Variants in HTT observed in about 807,000 individuals in gnomAD.
The protein encoded by HTT is huntington disease protein.
Under a neutral mutation model 362.3 loss-of-function variants are expected in HTT, and 104 were observed. The observed-to-expected ratio is 0.29, with a 90% CI of 0.24 to 0.34. The LOEUF (loss-of-function observed/expected upper bound fraction) is 0.34, where lower values mean the gene tolerates loss of function less well. Among genes scored for constraint, HTT ranks in the 10% least tolerant of loss-of-function variants. The pLI is 1.00. For synonymous variants in HTT, 1,577 were observed against 1,548.7 expected (o/e 1.02, Z -0.43); for missense variants, 3,301 against 3,928.6 (o/e 0.84, Z 4.27).
At chr4:3,145,587 AG>A (rs1716560188) in intron 24 of HTT, among the ~76,000 whole-genome samples, 1 of 152,220 alleles carries the variant, frequency 6.6e-6, no homozygotes, top group African/African-American at 2.4e-5. Flanking sequence ...ATTGTGACCT[AG>A]CATACGAAAT....
At chr4:3,086,548 GTGGTCCGCGCCACTCAGGAGGC>G (rs1449142554) in intron 1 of HTT, among the ~76,000 whole-genome samples, 4 of 152,208 alleles carry the variant, frequency 2.6e-5, no homozygotes, top group African/African-American at 9.7e-5. Context: ...GTGCGTGCCT[GTGGTCCGCGCCACTCAGGAGGC>G]TGAGACGGGA....
intron 2 of HTT, among the ~76,000 whole-genome samples, chr4:3,089,709 T>C (rs1713401228): frequency 6.6e-6 from 1 of 152,268 alleles, no homozygotes; most frequent in South Asian, 2.1e-4. Flanking sequence ...TGCGTCAGGC[T>C]TTATTCTTGT....
chr4:3,126,923 C>T (rs895195853), intron 11 of HTT, among the ~76,000 whole-genome samples: 1 of 152,168 alleles, frequency 6.6e-6, no homozygotes, highest in Non-Finnish European at 1.5e-5. Flanking sequence ...AGCTTTGCGC[C>T]CCTGACTAGG....
intron 1 of HTT, among the ~76,000 whole-genome samples, chr4:3,075,967 C>T (rs916256010): frequency 6.6e-6 from 1 of 152,048 alleles, no homozygotes; most frequent in Non-Finnish European, 1.5e-5. Flanking sequence ...AAAACCAACA[C>T]GTTGCTGATG....
At chr4:3,126,155 C>T (rs939460129) in intron 11 of HTT, among the ~76,000 whole-genome samples, 16 of 152,160 alleles carry the variant, frequency 1.1e-4, no homozygotes, top group South Asian at 2.1e-4. Flanking sequence ...TGGGTTCCAG[C>T]GATTCTCCTG....
At chr4:3,129,555 G>T (rs1223547764) in intron 12 of HTT, 1 of 202,204 alleles carries the variant, frequency 4.9e-6, no homozygotes, top group Non-Finnish European at 1.0e-5. Flanking sequence ...GAGATAACCT[G>T]TTATATTGTT....
rs1425434749 is a variant in HTT, at chr4:3,243,077, AG to A, written c.*3019del. On this transcript the variant is annotated 3_prime_UTR_variant, in exon 67 of 67. Transcript: ENST00000355072. ...ATCTTCATGGAGGGGGTCATTTCAG[AG>A]CCCTCGGAGCCAATGAACAGCTCCT... 1 of 152,546 alleles carries A rather than the reference AG, an allele frequency of 6.6e-6. No homozygotes were observed. The highest frequency in any genetic ancestry group is 2.4e-5 in the African/African-American group (1 of 41,420). The allele number at this position is 152,546 out of a possible 1,614,324, so 9.4% of individuals were successfully genotyped here.
rs371005730 is a variant in HTT at position 3,223,347 on chromosome 4, A to G, written c.7471-59A>G. On this transcript the variant is annotated intron_variant, in intron 54 of 66. Coordinates refer to ENST00000355072, the MANE Select transcript of HTT (RefSeq NM_001388492.1). ...AGGCAGGGAAGACTCTGGGTTCTGC[A>G]GGCAGAGGTGGTTGTGGGTGTCTTG... 2.0e-4 allele frequency: 300 copies of G among 1,483,726 alleles called. No homozygotes were observed. The African/African-American group carries it at 3.8e-3, about 19-fold the overall frequency. The allele number at this position is 1,483,726 out of a possible 1,614,324, so 91.9% of individuals were successfully genotyped here. A position where few individuals can be genotyped will look rare whatever the true frequency, so the allele number is the denominator to read the frequency against.
At chr4:3,139,313 T>A (rs1055498113) in intron 21 of HTT, among the ~76,000 whole-genome samples, 10 of 152,222 alleles carry the variant, frequency 6.6e-5, no homozygotes, top group Non-Finnish European at 1.2e-4. Flanking sequence ...TTTTCCTGCC[T>A]CAGCCTCCCA....
Position 3,233,258 on chromosome 4 carries a change from C to T in HTT, c.8361C>T (p.Leu2787=). ...PSRVGALHGV[L]YVLECDLLDD... is the part of the protein sequence containing the mutation. ...GGGTTGGAGCCCTGCACGGCGTCCTCTATGTGCTGGAGTGCGACCTGCTGG... is the reference window on the plus strand; with the variant it reads ...GGGTTGGAGCCCTGCACGGCGTCCTTTATGTGCTGGAGTGCGACCTGCTGG... Residue 2787 remains leucine (L), a synonymous_variant, in exon 61 of 67, where the codon CTC becomes CTT. Transcript: ENST00000355072. The T allele has an allele frequency of 1.2e-6, 2 of 1,611,744 alleles. No homozygotes were observed. Among genetic ancestry groups the T allele is most frequent in the South Asian group, 1.1e-5 (1 of 91,054 alleles).
chr4:3,217,831 T>C lies in HTT; in HGVS notation c.7121T>C (p.Leu2374Ser), dbSNP rs1250097984. 6.2e-7 allele frequency: 1 copy of C among 1,614,228 alleles called. No individual in the cohort carries two copies. Among genetic ancestry groups the C allele is most frequent in the Non-Finnish European group, 8.5e-7 (1 of 1,180,026 alleles). ...AEMVESLQSV[L>S]ALGHKRNSGV... ...ATGGTGGAGTCTCTGCAGTCGGTGT[T>C]GGCCTTGGGTCATAAAAGGAATAGC... Residue 2374 changes from leucine to serine, a missense_variant, in exon 52 of 67, where the codon TTG becomes TCG. By Grantham distance (145) the Leu-to-Ser change is moderately radical (BLOSUM62 -2). Around this residue, in one of 4 missense-constraint regions of HTT, gnomAD observed 753 missense variants for 1,021.3 expected, o/e 0.74. Transcript: ENST00000355072.
chr4:3,190,145 A>C (rs953204761), intron 40 of HTT, among the ~76,000 whole-genome samples: 1 of 152,102 alleles, frequency 6.6e-6, no homozygotes, highest in African/African-American at 2.4e-5. Flanking sequence ...GGAGCTTGGG[A>C]CCAGCCTGAG....
chr4:3,229,800 A>G, intron 59 of HTT, 87 bp from the exon 60 acceptor site: 1 of 1,393,848 alleles, frequency 7.2e-7, no homozygotes, highest in East Asian at 2.3e-5. Context: ...TAAGAACACG[A>G]CTTGCCAGTA....
Position 3,187,812 on chromosome 4 carries a change from G to A in HTT, c.5151G>A (p.Gly1717=). ...SCTVINRLRD[G]DSTSTLEEHS... is the part of the protein sequence containing the mutation. ...CAGTAATTAATAGGTTAAGAGATGG[G>A]GACAGTACTTCAACGCTAGAAGAAC... The change falls in exon 39 of 67, where the codon GGG becomes GGA. Residue 1717 remains glycine (G), a synonymous_variant. Transcript: ENST00000355072. The A allele has an allele frequency of 6.2e-7, 1 of 1,613,432 alleles. No individual in the cohort carries two copies. The highest frequency in any genetic ancestry group is 8.5e-7 in the Non-Finnish European group (1 of 1,179,424).
chr4:3,199,113 C>G (rs573359945), intron 40 of HTT, among the ~76,000 whole-genome samples: 2 of 152,378 alleles, frequency 1.3e-5, no homozygotes, highest in African/African-American at 2.4e-5. Flanking sequence ...TGTTCCCTGA[C>G]TCCTTCTCCA....
intron 38 of HTT, 50 bp from the exon 39 acceptor site, chr4:3,187,596 AAATTT>A: frequency 2.0e-5 from 27 of 1,333,514 alleles, no homozygotes; most frequent in Non-Finnish European, 2.9e-5. Flanking sequence ...CAATTGGGGG[AAATTT>A]AATCTTCCTT....
intron 37 of HTT, among the ~76,000 whole-genome samples, chr4:3,184,195 A>G (rs557586362): frequency 1.9e-4 from 29 of 152,084 alleles, no homozygotes; most frequent in African/African-American, 6.5e-4. Context: ...CAGAAAGGAA[A>G]GATACAAGCC....
At position 3,206,385 on chromosome 4, in the gene HTT, A is replaced by T; in HGVS notation, c.5719-111A>T. 1.3e-6 allele frequency: 1 copy of T among 777,304 alleles called. No individual in the cohort carries two copies. The highest frequency in any genetic ancestry group is 2.1e-6 in the Non-Finnish European group (1 of 465,762). 48.2% of individuals were successfully genotyped at this position (777,304 alleles called of 1,614,324 possible). Reference sequence around the variant, plus strand: ...ACACTGTATATTTTTAGTGAGGTTTATATTTGGGATGTGTTTTCTCCTTCT... The same window carrying T: ...ACACTGTATATTTTTAGTGAGGTTTTTATTTGGGATGTGTTTTCTCCTTCT... On this transcript the variant is annotated intron_variant, in intron 42 of 66. Transcript: ENST00000355072. The surrounding 1 kb of genome is among the most constrained non-coding windows in gnomAD (Gnocchi z 4.6).
chr4:3,235,139 G>T, intron 61 of HTT, 145 bp from the exon 62 acceptor site: 1 of 624,460 alleles, frequency 1.6e-6, no homozygotes, highest in Non-Finnish European at 2.9e-6. Context: ...GGTTGCAGGG[G>T]CCTGGGGGAG....
Sources: gnomAD v4.1 joint callset for allele counts (sites outside exome capture counted in the v4.1 genomes callset) on GRCh38, gnomAD v4.1.1 for gene constraint, gnomAD v4.1.1 regional missense constraint, Gnocchi (gnomAD v3.1) non-coding constraint, MANE v1.5 for transcripts, NCBI Gene and HGNC (gene_info 2026-07-23, HGNC 2026-07-21) for gene names.